Variants in PKD1L1 observed in about 807,000 individuals in gnomAD.
PKD1L1 encodes the protein polycystin 1 like 1, transient receptor potential channel interacting, also known as polycystin-1-like protein 1.
A neutral mutation model predicts 323.4 loss-of-function variants in PKD1L1; 236 were observed. That is an observed-to-expected ratio of 0.73 (90% CI 0.66 to 0.81). The LOEUF (loss-of-function observed/expected upper bound fraction) is 0.81. Among genes scored for constraint, PKD1L1 ranks in the 40% least tolerant of loss-of-function variants. The pLI is 0.00. For missense variants in PKD1L1, 3,320 were observed against 3,508.0 expected, an observed-to-expected ratio of 0.95 and a Z score of 1.35; for synonymous variants, 1,344 against 1,335.0, an observed-to-expected ratio of 1.01 and a Z score of -0.15.
rs765792956 is a variant in PKD1L1, at chr7:47,946,233, G to A, written c.44+2164C>T. ...ATCATGTGCCTCAAGGGAACTAGTC[G>A]AGCCATTTGTTTGAATTACATGACA... On this transcript the variant is annotated intron_variant, in intron 1 of 56. Transcript: ENST00000289672. This position sits in a 1 kb window ranked among gnomAD's most constrained non-coding sequence, Gnocchi z 4.1. 8.7e-4 allele frequency among the ~76,000 whole-genome samples: 132 copies of A among 152,014 alleles called. No homozygotes were observed. Among genetic ancestry groups the A allele is most frequent in the South Asian group, 8.3e-4 (4 of 4,820 alleles).
At chr7:47,785,379 C>A (rs1786783485) in intron 56 of PKD1L1, among the ~76,000 whole-genome samples, 1 of 152,168 alleles carries the variant, frequency 6.6e-6, no homozygotes, top group Admixed American at 6.5e-5. Flanking sequence ...GGATCCCCAG[C>A]CTCTAGAATT....
At chr7:47,815,891 G>A (rs1022923585) in intron 46 of PKD1L1, among the ~76,000 whole-genome samples, 1 of 152,168 alleles carries the variant, frequency 6.6e-6, no homozygotes, top group African/African-American at 2.4e-5. Flanking sequence ...AAGTGGTGGG[G>A]TAAGCAGATG....
chr7:47,881,587 A>C (rs921469783), intron 20 of PKD1L1, among the ~76,000 whole-genome samples: 6 of 152,146 alleles, frequency 3.9e-5, no homozygotes, highest in African/African-American at 1.4e-4. Flanking sequence ...AATTCATGTA[A>C]ATCCCTGACC....
At position 47,855,175 on chromosome 7, in the gene PKD1L1, A is replaced by T. The variant is rs1312265846; in HGVS notation, c.4681T>A (p.Phe1561Ile). ...QWLRKPVMVEFGEEDGLDNRR... is the reference protein window; with the variant it reads ...QWLRKPVMVEIGEEDGLDNRR... ...CTTACCAGGCCATCCTCCTCCCCAA[A>T]CTCGACCATCACGGGTTTCCTTAGC... The change falls in exon 29 of 57, where the codon TTT becomes ATT. Residue 1561 changes from phenylalanine (F) to isoleucine (I), a missense_variant. By Grantham distance (21) the Phe-to-Ile change is conservative. Coordinates refer to ENST00000289672, the MANE Select transcript of PKD1L1 (RefSeq NM_138295.5). 1.2e-6 allele frequency: 2 copies of T among 1,613,830 alleles called. No homozygotes were observed. Among genetic ancestry groups the T allele is most frequent in the Non-Finnish European group, 1.7e-6 (2 of 1,179,956 alleles).
intron 56 of PKD1L1, among the ~76,000 whole-genome samples, chr7:47,788,972 A>T (rs1786878169): frequency 6.6e-6 from 1 of 152,088 alleles, no homozygotes. Context: ...TAATTTTCTT[A>T]ATCTGCTGCT....
rs1248497054 is a variant in PKD1L1, at chr7:47,898,036, G to A, written c.2223C>T (p.Ile741=). 6.2e-7 allele frequency: 1 copy of A among 1,613,422 alleles called. No individual in the cohort carries two copies. The highest frequency in any genetic ancestry group is 8.5e-7 in the Non-Finnish European group (1 of 1,180,002). The change falls in exon 14 of 57, where the codon ATC becomes ATT. Residue 741 remains isoleucine, a synonymous_variant. Coordinates refer to ENST00000289672, the MANE Select transcript of PKD1L1 (RefSeq NM_138295.5). ...AAVDTHRQTL[I]LPSHTLEYGN... ...CATACTCCAAGGTGTGGCTCGGGAG[G>A]ATGAGGGTCTGTCTGTGAGTGTCCA...
intron 56 of PKD1L1, among the ~76,000 whole-genome samples, chr7:47,789,821 T>C (rs556432165): frequency 1.6e-4 from 25 of 152,330 alleles, no homozygotes; most frequent in South Asian, 6.2e-4. Flanking sequence ...AATTCTTTCA[T>C]TTTTATGTTA....
At chr7:47,833,357 G>C (rs1785389240) in intron 40 of PKD1L1, 105 bp from the exon 41 acceptor site, 2 of 1,305,540 alleles carry the variant, frequency 1.5e-6, no homozygotes, top group Non-Finnish European at 2.1e-6. Flanking sequence ...GACAGGCCTG[G>C]CATGGGCGGG....
chr7:47,892,838 A>G (rs1254832975), intron 15 of PKD1L1, among the ~76,000 whole-genome samples: 1 of 152,084 alleles, frequency 6.6e-6, no homozygotes, highest in Non-Finnish European at 1.5e-5. Context: ...TCAAACCACA[A>G]TGTACCGGGG....
rs756425614 is a variant in PKD1L1, at chr7:47,888,067, T to C, written c.2759A>G (p.Asp920Gly). The C allele has an allele frequency of 1.2e-6, 2 of 1,613,744 alleles. No homozygotes were observed. Among genetic ancestry groups the C allele is most frequent in the Admixed American group, 3.3e-5 (2 of 60,016 alleles). ...AGACAGATTCGGTATTTCACTGCAG[T>C]CCTCACACATAGCTTGAAGAGAGAG... is the stretch of plus-strand genomic sequence containing the variant. ...DELSLQAMCE[D>G]CSEIPNLSYS... The change falls in exon 17 of 57, where the codon GAC becomes GGC. Residue 920 changes from aspartate (D) to glycine (G), a missense_variant. Physicochemically the swap from Asp to Gly is moderately conservative, Grantham distance 94 (BLOSUM62 -1). Transcript: ENST00000289672.
chr7:47,958,116 C>T, the PKD1L1 span, among the ~76,000 whole-genome samples: 4 of 151,916 alleles, frequency 2.6e-5, no homozygotes, highest in Admixed American at 2.0e-4. Context: ...TATGTAACCA[C>T]AAAAGACCTT....
At chr7:47,899,126 A>G (rs1245812797) in intron 13 of PKD1L1, among the ~76,000 whole-genome samples, 2 of 152,170 alleles carry the variant, frequency 1.3e-5, no homozygotes, top group East Asian at 3.9e-4. Context: ...TTTCTCTTTC[A>G]GCATAATTAT....
chr7:47,864,685 TCCCTC>T (rs1176008936), intron 26 of PKD1L1, among the ~76,000 whole-genome samples: 5 of 36,090 alleles, frequency 1.4e-4, no homozygotes, highest in African/African-American at 4.4e-4. Flanking sequence ...TTCCCCTCCC[TCCCTC>T]CCCTCCCCTC....
At chr7:47,908,396 C>A in intron 8 of PKD1L1, 146 bp from the exon 9 acceptor site, 1 of 764,936 alleles carries the variant, frequency 1.3e-6, no homozygotes, top group South Asian at 1.8e-5. Flanking sequence ...AGCAGCAGGG[C>A]CATTTCATGG....
At chr7:47,815,200 A>G in intron 47 of PKD1L1, 134 bp downstream of exon 47, 1 of 1,179,780 alleles carries the variant, frequency 8.5e-7, no homozygotes, top group South Asian at 1.6e-5. Flanking sequence ...CCCACTGGAG[A>G]GCCACCGGCC....
At chr7:47,935,215 G>A (rs1787845685) in intron 4 of PKD1L1, among the ~76,000 whole-genome samples, 1 of 152,164 alleles carries the variant, frequency 6.6e-6, no homozygotes, top group African/African-American at 2.4e-5. Context: ...TTCATTGGTT[G>A]ACCCTAGCAT....
chr7:47,901,421 T>C (rs1787087323), intron 13 of PKD1L1, among the ~76,000 whole-genome samples: 2 of 152,140 alleles, frequency 1.3e-5, no homozygotes, highest in South Asian at 2.1e-4. Flanking sequence ...AACAATGTTT[T>C]ACAGATAAAA....
rs189934721 is a variant in PKD1L1 at position 47,899,933 on chromosome 7, G to A, written c.2065-1739C>T. On this transcript the variant is annotated intron_variant, in intron 13 of 56. Coordinates refer to ENST00000289672, the MANE Select transcript of PKD1L1 (RefSeq NM_138295.5). ...ATTGCACCACTGCACTCCCTCCTAGGCAACAGAGCGAGACTCCATCCCAAA... is the reference window on the plus strand; with the variant it reads ...ATTGCACCACTGCACTCCCTCCTAGACAACAGAGCGAGACTCCATCCCAAA... 2.3e-5 allele frequency among the ~76,000 whole-genome samples: 3 copies of A among 128,954 alleles called. No individual in the cohort carries two copies. In the East Asian group the frequency reaches 7.7e-4, roughly 33 times the overall value. 84.6% of individuals were successfully genotyped at this position (128,954 alleles called of 152,430 possible). A position where few individuals can be genotyped will look rare whatever the true frequency, so the allele number is the denominator to read the frequency against.
chr7:47,857,066 T>C (rs1785921215), intron 28 of PKD1L1, among the ~76,000 whole-genome samples: 1 of 152,220 alleles, frequency 6.6e-6, no homozygotes, highest in Non-Finnish European at 1.5e-5. Context: ...CCTTTCACTG[T>C]GGTCCCCTGT....
Sources: allele counts gnomAD v4.1 joint callset (sites outside exome capture counted in the v4.1 genomes callset), GRCh38; gene constraint gnomAD v4.1.1; non-coding constraint Gnocchi (gnomAD v3.1); transcripts MANE v1.5; gene names NCBI Gene and HGNC (gene_info 2026-07-23, HGNC 2026-07-21).